RIMS2: variants seen among roughly 807,000 people sequenced by gnomAD.
RIMS2 encodes regulating synaptic membrane exocytosis 2, also known as regulating synaptic membrane exocytosis protein 2.
RIMS2 carries 59 observed loss-of-function variants against 174.4 expected under a neutral mutation model. That is an observed-to-expected ratio of 0.34 (90% CI 0.27 to 0.42). The LOEUF (loss-of-function observed/expected upper bound fraction) is 0.42, where lower values mean the gene tolerates loss of function less well. Ranked by LOEUF, RIMS2 falls within the 10% of genes least tolerant of loss-of-function variation. The pLI, the probability that RIMS2 is intolerant of heterozygous loss-of-function variation, is 1.00. For missense variants in RIMS2, 1,620 were observed against 1,666.3 expected (o/e 0.97, Z 0.48); for synonymous variants, 606 against 572.5 (o/e 1.06, Z -0.84).
chr8:103,584,081 G>A lies in RIMS2; in HGVS notation c.176+83019G>A, dbSNP rs117431574. ...AAGGTCAAGGATAAAGAAAGGATCC[G>A]AAAAGCAGCAAGAGAAAATAAACAA... On this transcript the variant is annotated intron_variant, in intron 1 of 23. Transcript: ENST00000504942. Among the ~76,000 whole-genome samples the A allele has an allele frequency of 8.8e-3, 1,338 of 152,196 alleles. 21 individuals are homozygous for A. The highest frequency in any genetic ancestry group is 0.03 in the African/African-American group (1,261 of 41,540).
At chr8:103,923,572 A>G (rs2078144401) in intron 10 of RIMS2, among the ~76,000 whole-genome samples, 1 of 151,942 alleles carries the variant, frequency 6.6e-6, no homozygotes, top group South Asian at 2.1e-4. Flanking sequence ...AAATTTATGT[A>G]TAATGATGTA....
At chr8:103,602,522 T>C (rs1174643616) in intron 1 of RIMS2, among the ~76,000 whole-genome samples, 1 of 152,046 alleles carries the variant, frequency 6.6e-6, no homozygotes, top group African/African-American at 2.4e-5. Flanking sequence ...GTATTCTCAT[T>C]GTTTAGCTCC....
intron 19 of RIMS2, among the ~76,000 whole-genome samples, chr8:104,235,020 C>G (rs1308144457): frequency 1.3e-5 from 2 of 152,086 alleles, no homozygotes; most frequent in Admixed American, 1.3e-4. Context: ...ATAACTGTTT[C>G]TAGCACATTT....
In RIMS2 at chr8:103,593,765, C is replaced by A. The variant is rs1193494743; in HGVS notation, c.176+92703C>A. 4.6e-5 allele frequency among the ~76,000 whole-genome samples: 7 copies of A among 150,890 alleles called. No homozygotes were observed. The South Asian group carries it at 8.3e-4, about 18-fold the overall frequency. Reference sequence around the variant, plus strand: ...TTAATTAATGTTAATATAAACAATACATAACAGATAACTTATGTTAGCATG... The same window carrying A: ...TTAATTAATGTTAATATAAACAATAAATAACAGATAACTTATGTTAGCATG... On this transcript the variant is annotated intron_variant, in intron 1 of 23. Coordinates refer to ENST00000504942, the Ensembl canonical transcript of RIMS2.
At chr8:103,649,001 T>C (rs1360086089) in intron 1 of RIMS2, among the ~76,000 whole-genome samples, 1 of 152,218 alleles carries the variant, frequency 6.6e-6, no homozygotes. Context: ...GCTGGTTATT[T>C]CGCATACTTG....
At chr8:103,798,675 A>G (rs2098576884) in intron 3 of RIMS2, among the ~76,000 whole-genome samples, 1 of 152,168 alleles carries the variant, frequency 6.6e-6, no homozygotes, top group Non-Finnish European at 1.5e-5. Context: ...TACATTTTAA[A>G]AGATTCGTTC....
intron 19 of RIMS2, among the ~76,000 whole-genome samples, chr8:104,227,280 T>G (rs1271126892): frequency 1.4e-5 from 2 of 141,700 alleles, no homozygotes; most frequent in Admixed American, 1.4e-4. Context: ...TCTCTGAGGT[T>G]TTTTTTTTTT....
chr8:104,175,974 G>T (rs1351555381), intron 19 of RIMS2, among the ~76,000 whole-genome samples: 1 of 152,048 alleles, frequency 6.6e-6, no homozygotes, highest in Non-Finnish European at 1.5e-5. Context: ...GTAGGATGTG[G>T]CTATGTCCGA....
chr8:104,124,040 A>G (rs541985345), intron 19 of RIMS2, among the ~76,000 whole-genome samples: 1 of 152,298 alleles, frequency 6.6e-6, no homozygotes, highest in South Asian at 2.1e-4. Flanking sequence ...ACTGAAAATA[A>G]CATCTTGGTA....
chr8:103,507,248 A>G (rs1465896884), intron 1 of RIMS2, among the ~76,000 whole-genome samples: 1 of 152,026 alleles, frequency 6.6e-6, no homozygotes, highest in Non-Finnish European at 1.5e-5. Context: ...TTTCTTATGT[A>G]GATTCTCTCC....
chr8:104,020,659 C>G (rs890466588), intron 19 of RIMS2, among the ~76,000 whole-genome samples: 1 of 151,872 alleles, frequency 6.6e-6, no homozygotes, highest in Non-Finnish European at 1.5e-5. Context: ...AAAATCACAG[C>G]ATGGATATTT....
At chr8:103,986,359 G>A (rs1160518450) in intron 16 of RIMS2, among the ~76,000 whole-genome samples, 1 of 152,052 alleles carries the variant, frequency 6.6e-6, no homozygotes, top group East Asian at 1.9e-4. Flanking sequence ...GAAACAAAAT[G>A]AGGCACAGAC....
At chr8:103,869,414 C>G (rs1482317743) in intron 3 of RIMS2, among the ~76,000 whole-genome samples, 2 of 151,506 alleles carry the variant, frequency 1.3e-5, no homozygotes, top group African/African-American at 4.9e-5. Context: ...TTAAATTAGT[C>G]TTGAACTCCT....
chr8:104,169,289 T>A (rs1218162136), intron 19 of RIMS2, among the ~76,000 whole-genome samples: 1 of 144,950 alleles, frequency 6.9e-6, no homozygotes, highest in Non-Finnish European at 1.5e-5. Context: ...AGTCCTGGAC[T>A]TTTTTTGTTG....
chr8:103,546,693 A>C (rs1845278888), intron 1 of RIMS2, among the ~76,000 whole-genome samples: 1 of 152,224 alleles, frequency 6.6e-6, no homozygotes, highest in Non-Finnish European at 1.5e-5. Context: ...CTTGGACCAC[A>C]GCTCAATGAA....
intron 13 of RIMS2, 57 bp from the exon 16 acceptor site, chr8:103,942,716 A>G: frequency 8.1e-7 from 1 of 1,231,290 alleles, no homozygotes; most frequent in South Asian, 1.5e-5. Flanking sequence ...GGACCATTTA[A>G]CATAATTTCT....
chr8:104,041,385 T>G, intron 19 of RIMS2, 27 bp downstream of exon 22: 1 of 683,940 alleles, frequency 1.5e-6, no homozygotes, highest in Non-Finnish European at 2.7e-6. Flanking sequence ...TTTTTTGTTA[T>G]TATTTTATTT....
chr8:103,669,599 T>A (rs2096719763), intron 1 of RIMS2, among the ~76,000 whole-genome samples: 1 of 152,192 alleles, frequency 6.6e-6, no homozygotes, highest in African/African-American at 2.4e-5. Flanking sequence ...ATACAGCCAT[T>A]CCCAATGGGA....
intron 1 of RIMS2, among the ~76,000 whole-genome samples, chr8:103,692,705 T>C (rs1590452393): frequency 1.3e-5 from 2 of 152,266 alleles, no homozygotes; most frequent in South Asian, 4.1e-4. Context: ...AGGCCTGGAA[T>C]GGGGGCCTCA....
Sources: gnomAD v4.1 joint callset for allele counts (sites outside exome capture counted in the v4.1 genomes callset) on GRCh38, gnomAD v4.1.1 for gene constraint, MANE v1.5 for transcripts, NCBI Gene and HGNC (gene_info 2026-07-23, HGNC 2026-07-21) for gene names.